Variants in SCRN3 observed in about 807,000 individuals in gnomAD.
SCRN3 encodes secernin-3.
A neutral mutation model predicts 43.1 loss-of-function variants in SCRN3; 39 were observed. The observed-to-expected ratio is 0.91, with a 90% CI of 0.70 to 1.18. SCRN3 has a LOEUF of 1.18. Among genes scored for constraint, SCRN3 ranks in the 50% most tolerant of loss-of-function variants. The pLI, the probability that SCRN3 is intolerant of heterozygous loss-of-function variation, is 0.00. For synonymous variants in SCRN3, 147 were observed against 163.1 expected (o/e 0.90, Z 0.75); for missense variants, 484 against 498.0 (o/e 0.97, Z 0.27).
At chr2:174,400,866 T>A in intron 3 of SCRN3, 124 bp from the exon 4 acceptor site, 1 of 793,942 alleles carries the variant, frequency 1.3e-6, no homozygotes, top group Non-Finnish European at 1.9e-6. Flanking sequence ...AAGTTAGATG[T>A]CATTTCATCT....
intron 5 of SCRN3, among the ~76,000 whole-genome samples, chr2:174,417,059 A>G (rs545484491): frequency 6.6e-6 from 1 of 152,366 alleles, no homozygotes; most frequent in South Asian, 2.1e-4. Context: ...TATCTAAACT[A>G]TCTTTTTCCC....
At chr2:174,409,154 A>C (rs1574654811) in intron 5 of SCRN3, among the ~76,000 whole-genome samples, 1 of 121,894 alleles carries the variant, frequency 8.2e-6, no homozygotes, top group Admixed American at 8.6e-5. Flanking sequence ...GGCTTTGCTC[A>C]TTTCTTTTTA....
intron 5 of SCRN3, among the ~76,000 whole-genome samples, chr2:174,419,557 T>C (rs1053204408): frequency 6.6e-6 from 1 of 152,136 alleles, no homozygotes; most frequent in Non-Finnish European, 1.5e-5. Flanking sequence ...ATTTTTTTTT[T>C]TGGTAATAGA....
intron 5 of SCRN3, among the ~76,000 whole-genome samples, chr2:174,421,043 GA>G (rs1686276356): frequency 1.3e-5 from 2 of 152,110 alleles, no homozygotes; most frequent in South Asian, 4.1e-4. Flanking sequence ...TTCTGAGGGG[GA>G]AAAAAGACAG....
At chr2:174,404,382 G>T (rs529672468) in intron 5 of SCRN3, 67 bp downstream of exon 5, 2 of 1,023,470 alleles carry the variant, frequency 2.0e-6, no homozygotes, top group East Asian at 2.6e-5. Context: ...ATATGGGAAT[G>T]ATAACATCTG....
intron 2 of SCRN3, 129 bp downstream of exon 2, chr2:174,398,571 G>A (rs1184581312): frequency 1.5e-6 from 1 of 688,530 alleles, no homozygotes; most frequent in Non-Finnish European, 2.3e-6. Flanking sequence ...AAATAAATGA[G>A]TCAGAAATAA....
At chr2:174,409,226 T>C (rs1685810080) in intron 5 of SCRN3, among the ~76,000 whole-genome samples, 2 of 131,898 alleles carry the variant, frequency 1.5e-5, no homozygotes, top group African/African-American at 2.6e-5. Context: ...CCATTGCTGA[T>C]ACCCTTTCTT....
chr2:174,404,376 G>C, intron 5 of SCRN3, 61 bp downstream of exon 5: 1 of 1,108,478 alleles, frequency 9.0e-7, no homozygotes, highest in East Asian at 2.6e-5. Context: ...GATGTAATAT[G>C]GGAATGATAA....
chr2:174,403,975 C>A, intron 4 of SCRN3, 128 bp from the exon 5 acceptor site: 1 of 618,190 alleles, frequency 1.6e-6, no homozygotes, highest in Non-Finnish European at 2.8e-6. Context: ...GTAATAGATG[C>A]CCATGGCACA....
At chr2:174,400,855 A>T in intron 3 of SCRN3, 135 bp from the exon 4 acceptor site, 1 of 734,388 alleles carries the variant, frequency 1.4e-6, no homozygotes, top group Non-Finnish European at 2.2e-6. Flanking sequence ...GAAAAGTTTT[A>T]AAGTTAGATG....
intron 7 of SCRN3, among the ~76,000 whole-genome samples, chr2:174,426,583 C>A (rs1686491001): frequency 6.6e-6 from 1 of 151,970 alleles, no homozygotes; most frequent in African/African-American, 2.4e-5. Context: ...ACCAGCCTGA[C>A]CAACATGATG....
chr2:174,406,368 T>C (rs1044752144), intron 5 of SCRN3, among the ~76,000 whole-genome samples: 8 of 136,624 alleles, frequency 5.9e-5, no homozygotes, highest in African/African-American at 2.0e-4. Context: ...GCTGAGACAA[T>C]GGGGTTTTCT....
intron 5 of SCRN3, among the ~76,000 whole-genome samples, chr2:174,416,333 G>A (rs1686106213): frequency 6.6e-6 from 1 of 152,236 alleles, no homozygotes; most frequent in South Asian, 2.1e-4. Context: ...TAATTAATTA[G>A]AGTGAAGGTT....
intron 5 of SCRN3, among the ~76,000 whole-genome samples, chr2:174,413,030 G>C (rs539224834): frequency 1.3e-5 from 2 of 151,656 alleles, no homozygotes; most frequent in African/African-American, 4.8e-5. Flanking sequence ...CACCACACCC[G>C]GCTAATTTTG....
At position 174,424,559 on chromosome 2, in the gene SCRN3, A is replaced by G; in HGVS notation, c.1002A>G (p.Leu334=). Residue 334 remains leucine, a synonymous_variant, in exon 7 of 8, where the codon CTA becomes CTG. Coordinates refer to ENST00000272732, the MANE Select transcript of SCRN3 (RefSeq NM_024583.5). ...CACCAACATTTGAACTTGAAGATCT[A>G]GTTAAAAAGAAATCACATTTTAAGC... ...TSSPTFELED[L]VKKKSHFKPD... 1 of 1,613,308 alleles carries G rather than the reference A, an allele frequency of 6.2e-7. No individual in the cohort carries two copies. Among genetic ancestry groups the G allele is most frequent in the East Asian group, 2.2e-5 (1 of 44,790 alleles).
At chr2:174,402,405 T>A (rs1199682070) in intron 4 of SCRN3, among the ~76,000 whole-genome samples, 1 of 152,196 alleles carries the variant, frequency 6.6e-6, no homozygotes, top group Admixed American at 6.5e-5. Context: ...GGAAAATTAT[T>A]GGCTGGGCAT....
chr2:174,417,352 T>C (rs1201512979), intron 5 of SCRN3, among the ~76,000 whole-genome samples: 1 of 152,164 alleles, frequency 6.6e-6, no homozygotes, highest in African/African-American at 2.4e-5. Context: ...ATTTATTAAG[T>C]GCTTTTATCA....
chr2:174,422,381 C>G (rs895026403), intron 5 of SCRN3, among the ~76,000 whole-genome samples: 11 of 152,156 alleles, frequency 7.2e-5, no homozygotes, highest in African/African-American at 2.4e-4. Flanking sequence ...CAAGACCAGC[C>G]TGGCCAACAT....
downstream of SCRN3, among the ~76,000 whole-genome samples, chr2:174,429,929 T>C (rs1282956124): frequency 6.6e-6 from 1 of 152,218 alleles, no homozygotes; most frequent in Non-Finnish European, 1.5e-5. Flanking sequence ...CCATTTAAGG[T>C]TCCTGCATGT....
Sources: allele counts gnomAD v4.1 joint callset (sites outside exome capture counted in the v4.1 genomes callset), GRCh38; gene constraint gnomAD v4.1.1; transcripts MANE v1.5; gene names NCBI Gene and HGNC (gene_info 2026-07-23, HGNC 2026-07-21).